The following SDK1 variants were observed in gnomAD, a reference collection of about 807,000 sequenced individuals.
SDK1 encodes sidekick cell adhesion molecule 1.
In SDK1, 157 loss-of-function variants were observed where a neutral mutation model predicts 245.5. The ratio of observed to expected loss-of-function variants is 0.64; its 90% CI spans 0.56 to 0.73. SDK1 has a LOEUF of 0.73. SDK1 is among the 30% of genes least tolerant of loss of function. The pLI is 0.00. For synonymous variants in SDK1, 1,647 were observed against 1,278.5 expected (o/e 1.29, Z -6.15); for missense variants, 3,583 against 3,002.3 (o/e 1.19, Z -4.52).
At chr7:3,683,602 C>G (rs768570154) in intron 4 of SDK1, among the ~76,000 whole-genome samples, 3 of 152,184 alleles carry the variant, frequency 2.0e-5, no homozygotes, top group Non-Finnish European at 4.4e-5. Flanking sequence ...CCCGTTCCTC[C>G]CAGGTCCTCC....
intron 5 of SDK1, among the ~76,000 whole-genome samples, chr7:3,944,500 T>C (rs1375834344): frequency 6.6e-6 from 1 of 152,224 alleles, no homozygotes. Flanking sequence ...TTAGAATCTT[T>C]ATGATAAATT....
intron 4 of SDK1, among the ~76,000 whole-genome samples, chr7:3,737,393 A>G (rs550733606): frequency 2.2e-4 from 34 of 152,308 alleles, no homozygotes; most frequent in African/African-American, 7.7e-4. Context: ...ACTGTGTTCC[A>G]TAGCTGGTCA....
At chr7:3,614,696 T>C (rs1403404775) in intron 1 of SDK1, among the ~76,000 whole-genome samples, 1 of 152,246 alleles carries the variant, frequency 6.6e-6, no homozygotes, top group African/African-American at 2.4e-5. Flanking sequence ...TAAATAGTGC[T>C]GGGCTCAGAG....
chr7:3,359,455 A>G (rs1211463792), intron 1 of SDK1, among the ~76,000 whole-genome samples: 1 of 152,220 alleles, frequency 6.6e-6, no homozygotes, highest in Middle Eastern at 3.2e-3. Flanking sequence ...TAGGAACTGT[A>G]CTAGCAGGCT....
rs138608859 is a variant in SDK1, at chr7:3,564,216, G to A, written c.299-54864G>A. On this transcript the variant is annotated intron_variant, in intron 1 of 44. Transcript: ENST00000404826. ...AATAAAGGTAAGTACAGAAAGCAATGAAATACAGAATAATAATAATAACAC... is the reference window on the plus strand; with the variant it reads ...AATAAAGGTAAGTACAGAAAGCAATAAAATACAGAATAATAATAATAACAC... Among the ~76,000 whole-genome samples the A allele has an allele frequency of 2.2e-3, 332 of 152,084 alleles. 2 individuals are homozygous for A. Among genetic ancestry groups the A allele is most frequent in the Non-Finnish European group, 3.8e-3 (259 of 67,968 alleles).
intron 1 of SDK1, among the ~76,000 whole-genome samples, chr7:3,339,213 A>G (rs979862144): frequency 1.3e-5 from 2 of 152,212 alleles, no homozygotes; most frequent in South Asian, 2.1e-4. Flanking sequence ...GGATCAAATA[A>G]TGAACACATT....
intron 14 of SDK1, among the ~76,000 whole-genome samples, 198 bp from the exon 15 acceptor site, chr7:4,010,768 G>C (rs778812224): frequency 1.3e-5 from 2 of 152,188 alleles, no homozygotes; most frequent in Non-Finnish European, 2.9e-5. Flanking sequence ...CGGGGAAGTT[G>C]CCTTTCTGGC....
chr7:3,532,223 T>A (rs185114897), intron 1 of SDK1, among the ~76,000 whole-genome samples: 56 of 152,374 alleles, frequency 3.7e-4, no homozygotes, highest in African/African-American at 1.3e-3. Context: ...GTTTGCTTTT[T>A]ATTCCCAGTG....
At chr7:3,812,520 C>A (rs919991649) in intron 4 of SDK1, among the ~76,000 whole-genome samples, 1 of 152,172 alleles carries the variant, frequency 6.6e-6, no homozygotes, top group South Asian at 2.1e-4. Context: ...CACATAAATT[C>A]AATGGAATTT....
At chr7:3,478,865 A>C (rs1300904505) in intron 1 of SDK1, among the ~76,000 whole-genome samples, 4 of 152,150 alleles carry the variant, frequency 2.6e-5, no homozygotes, top group Non-Finnish European at 4.4e-5. Context: ...CTTGCTGCTT[A>C]GTTCCAATAT....
chr7:4,208,017 C>T (rs540282908), intron 36 of SDK1, 82 bp from the exon 37 acceptor site: 14 of 1,048,856 alleles, frequency 1.3e-5, no homozygotes, highest in South Asian at 5.9e-5. Context: ...CTCACCCCCT[C>T]GCTTTGACCT....
chr7:3,771,175 C>G (rs1780396500), intron 4 of SDK1, among the ~76,000 whole-genome samples: 1 of 152,112 alleles, frequency 6.6e-6, no homozygotes, highest in African/African-American at 2.4e-5. Flanking sequence ...ATGCTCTTCT[C>G]TCTGTGGTCT....
chr7:3,468,203 T>G (rs1413172224), intron 1 of SDK1, among the ~76,000 whole-genome samples: 1 of 152,222 alleles, frequency 6.6e-6, no homozygotes, highest in Non-Finnish European at 1.5e-5. Flanking sequence ...TAGATAACTG[T>G]ATAATATTTT....
chr7:4,149,247 C>T lies in SDK1; in HGVS notation c.4424-15C>T. ...GCCTCTCACATGTCCCTGGTCTGTC[C>T]TCATTTGGTTGCAGAGCGGCCGGCA... On this transcript the variant is annotated splice_polypyrimidine_tract_variant and intron_variant, in intron 29 of 44. Transcript: ENST00000404826. 6.6e-7 allele frequency: 1 copy of T among 1,504,314 alleles called. No homozygotes were observed. Among genetic ancestry groups the T allele is most frequent in the Non-Finnish European group, 8.9e-7 (1 of 1,126,716 alleles). The allele number at this position is 1,504,314 out of a possible 1,614,324, so 93.2% of individuals were successfully genotyped here.
chr7:3,391,617 C>CAT (rs1781754956), intron 1 of SDK1, among the ~76,000 whole-genome samples: 1 of 149,338 alleles, frequency 6.7e-6, no homozygotes, highest in African/African-American at 2.5e-5. Flanking sequence ...AAAGTATATA[C>CAT]ATGTATCCTG....
At chr7:3,311,320 A>G (rs1238919306) in intron 1 of SDK1, among the ~76,000 whole-genome samples, 1 of 152,084 alleles carries the variant, frequency 6.6e-6, no homozygotes, top group East Asian at 1.9e-4. Flanking sequence ...AATAGATGAG[A>G]ACAAAAGGCC....
chr7:4,135,682 T>C (rs1459987491), intron 28 of SDK1, among the ~76,000 whole-genome samples: 3 of 152,196 alleles, frequency 2.0e-5, no homozygotes, highest in African/African-American at 4.8e-5. Flanking sequence ...AGTTTCCCCA[T>C]CCCTCAAAGG....
intron 4 of SDK1, among the ~76,000 whole-genome samples, chr7:3,690,702 C>T (rs1562373957): frequency 6.6e-6 from 1 of 152,152 alleles, no homozygotes; most frequent in Non-Finnish European, 1.5e-5. Flanking sequence ...CCATATTAAT[C>T]TTAACCCCCG....
At chr7:3,950,770 A>C in intron 5 of SDK1, 153 bp from the exon 6 acceptor site, 1 of 611,400 alleles carries the variant, frequency 1.6e-6, no homozygotes, top group Non-Finnish European at 3.0e-6. Context: ...GCGTGGAGCC[A>C]TCATACATCA....
Sources: allele counts gnomAD v4.1 joint callset (sites outside exome capture counted in the v4.1 genomes callset), GRCh38; gene constraint gnomAD v4.1.1; transcripts MANE v1.5; gene names NCBI Gene and HGNC (gene_info 2026-07-23, HGNC 2026-07-21).